CABP7: variants seen among roughly 807,000 people sequenced by gnomAD.
The protein encoded by CABP7 is calcium-binding protein 7.
Under a neutral mutation model 23.1 loss-of-function variants are expected in CABP7, and 13 were observed. That is an observed-to-expected ratio of 0.56 (90% CI 0.37 to 0.90). The LOEUF (loss-of-function observed/expected upper bound fraction) is 0.90, where lower values mean the gene tolerates loss of function less well. CABP7 is among the 40% of genes least tolerant of loss of function. The probability of loss-of-function intolerance (pLI) is 0.01; values close to 1 mark genes in which losing one functional copy is unlikely to be tolerated. For synonymous variants in CABP7, 123 were observed against 115.3 expected, an observed-to-expected ratio of 1.07 and a Z score of -0.43; for missense variants, 248 against 295.6, an observed-to-expected ratio of 0.84 and a Z score of 1.18.
At chr22:29,728,468 T>C (rs997827147) in intron 2 of CABP7, among the ~76,000 whole-genome samples, 162 bp from the exon 3 acceptor site, 2 of 152,172 alleles carry the variant, frequency 1.3e-5, no homozygotes, top group Non-Finnish European at 2.9e-5. Context: ...TGGCACTTGG[T>C]AGATGCCCCT....
At position 29,727,616 on chromosome 22, in the gene CABP7, G is replaced by C. The variant is rs202114061; in HGVS notation, c.110-46G>C. 1 of 1,611,458 alleles carries C rather than the reference G, an allele frequency of 6.2e-7. No individual in the cohort carries two copies. Among genetic ancestry groups the C allele is most frequent in the South Asian group, 1.1e-5 (1 of 90,896 alleles). The stretch of plus-strand genomic sequence containing the variant: ...TCCTGGGGGTCTGGAAAGGGGGTCT[G>C]TTGGGGACCGGGGTGAAGTCCCAGC... On this transcript the variant is annotated intron_variant, in intron 1 of 4. Coordinates refer to ENST00000216144, the MANE Select transcript of CABP7 (RefSeq NM_182527.3). The surrounding 1 kb of genome is among the most constrained non-coding windows in gnomAD (Gnocchi z 4.2).
At position 29,731,138 on chromosome 22, in the gene CABP7, C is replaced by T. The variant is rs529076576; in HGVS notation, c.*1569C>T. 4.6e-5 allele frequency: 63 copies of T among 1,378,664 alleles called. 1 individual carries two copies. In the South Asian group the frequency reaches 1.0e-3, roughly 22 times the overall value. 85.4% of individuals were successfully genotyped at this position (1,378,664 alleles called of 1,614,324 possible). On this transcript the variant is annotated 3_prime_UTR_variant, in exon 5 of 5. Coordinates refer to ENST00000216144, the MANE Select transcript of CABP7 (RefSeq NM_182527.3). ...GCTGGGCAGATGGTCTCGGAGCCTC[C>T]ATGGGGCGTAGCAGGAACCGGGCTT...
chr22:29,726,207 C>G (rs1327743204), intron 1 of CABP7, among the ~76,000 whole-genome samples: 1 of 152,168 alleles, frequency 6.6e-6, no homozygotes, highest in Non-Finnish European at 1.5e-5. Context: ...GCCCAGGCAA[C>G]CCCGGTGCAC....
Position 29,729,161 on chromosome 22 carries a change from A to G in CABP7, c.473A>G (p.Glu158Gly), listed in dbSNP as rs2067818453. Residue 158 changes from glutamate (E) to glycine (G), a missense_variant, in exon 4 of 5, where the codon GAG (glutamate) becomes GGG (glycine). Coordinates refer to ENST00000216144, the MANE Select transcript of CABP7 (RefSeq NM_182527.3). ...KDIENIIMTE[E>G]ESHLGTAEEC... is the part of the protein sequence containing the mutation. ...ATAGAGAACATCATCATGACGGAGG[A>G]GGAGAGCCACCTGGGCACAGCCGAG... 2 of 1,611,168 alleles carry G rather than the reference A, an allele frequency of 1.2e-6. No homozygotes were observed. The highest frequency in any genetic ancestry group is 1.7e-6 in the Non-Finnish European group (2 of 1,179,776).
At position 29,728,744 on chromosome 22, in the gene CABP7, T is replaced by C; in HGVS notation, c.366+2T>C. On this transcript the variant is annotated splice_donor_variant, in intron 3 of 4. Coordinates refer to ENST00000216144, the MANE Select transcript of CABP7 (RefSeq NM_182527.3). LOFTEE classifies it high-confidence loss of function. ...GACTTTGATACTGTCTTCTGGAAGG[T>C]ATCCCCTGGCTAGTTGGGACCCAGG... 1.2e-6 allele frequency: 2 copies of C among 1,602,416 alleles called. No homozygotes were observed. The highest frequency in any genetic ancestry group is 1.7e-6 in the Non-Finnish European group (2 of 1,169,812).
At position 29,727,169 on chromosome 22, in the gene CABP7, G is replaced by A. The variant is rs2147207801; in HGVS notation, c.110-493G>A. ...CTGTCAGCCCATTAGTCTGGAGCAA[G>A]CTGCCTCACGTGGCTGCCATTAGCA... On this transcript the variant is annotated intron_variant, in intron 1 of 4. Transcript: ENST00000216144. This position sits in a 1 kb window ranked among gnomAD's most constrained non-coding sequence, Gnocchi z 4.2. Among the ~76,000 whole-genome samples the A allele has an allele frequency of 6.6e-6, 1 of 152,156 alleles. No individual in the cohort carries two copies. The highest frequency in any genetic ancestry group is 6.5e-5 in the Admixed American group (1 of 15,278).
At chr22:29,722,739 A>G (rs1440358853) in intron 1 of CABP7, among the ~76,000 whole-genome samples, 1 of 152,220 alleles carries the variant, frequency 6.6e-6, no homozygotes. Flanking sequence ...CTCCTGCCCC[A>G]GGGCGGTCTG....
chr22:29,720,022 G>T lies in CABP7; in HGVS notation c.-403G>T. The T allele has an allele frequency of 6.7e-6, 1 of 150,076 alleles. No homozygotes were observed. The highest frequency in any genetic ancestry group is 1.8e-4 in the South Asian group (1 of 5,416). The allele number at this position is 150,076 out of a possible 1,614,324, so 9.3% of individuals were successfully genotyped here. On this transcript the variant is annotated 5_prime_UTR_variant, in exon 1 of 5. Transcript: ENST00000216144. The surrounding 1 kb of genome is among the most constrained non-coding windows in gnomAD (Gnocchi z 5.2). ...CGCGGCACAGAACGAGCGAGCGAGC[G>T]AGCGGAGAGGCGGCTACAGCCTGAG...
rs1327257880 is a variant in CABP7 at position 29,720,638 on chromosome 22, G to A, written c.109+105G>A. ...GCGGGGGGCGGGGGGCGGTCCGCAG[G>A]TGCCGGTTGCCAGGTGGGCGCCCCA... is the stretch of plus-strand genomic sequence containing the variant. On this transcript the variant is annotated intron_variant, in intron 1 of 4. Transcript: ENST00000216144. This position sits in a 1 kb window ranked among gnomAD's most constrained non-coding sequence, Gnocchi z 5.2. The A allele has an allele frequency of 1.1e-5, 7 of 608,802 alleles. No individual in the cohort carries two copies. Among genetic ancestry groups the A allele is most frequent in the African/African-American group, 2.0e-5 (1 of 50,428 alleles). The allele number at this position is 608,802 out of a possible 1,614,324, so 37.7% of individuals were successfully genotyped here.
In CABP7 at chr22:29,720,565, GC is replaced by G; in HGVS notation, c.109+35del. 2 of 1,454,646 alleles carry G rather than the reference GC, an allele frequency of 1.4e-6. No individual in the cohort carries two copies. Among genetic ancestry groups the G allele is most frequent in the Non-Finnish European group, 1.8e-6 (2 of 1,084,020 alleles). The allele number at this position is 1,454,646 out of a possible 1,614,324, so 90.1% of individuals were successfully genotyped here. A position where few individuals can be genotyped will look rare whatever the true frequency, so the allele number is the denominator to read the frequency against. On this transcript the variant is annotated intron_variant, in intron 1 of 4. Transcript: ENST00000216144. The surrounding 1 kb of genome is among the most constrained non-coding windows in gnomAD (Gnocchi z 5.2). Reference sequence around the variant, plus strand: ...GTCCGCCGGGATCCCCGCCCCGGCGGCCCTCCTACCTGTGCGCCCAGGTGAA... The same window carrying G: ...GTCCGCCGGGATCCCCGCCCCGGCGGCCTCCTACCTGTGCGCCCAGGTGAA...
In CABP7 at chr22:29,731,180, T is replaced by C; in HGVS notation, c.*1611T>C. ...ACCGGGCTTGGCTTCCTATTGTGAC[T>C]GATGAGAAAAGTGACCACGTGGGGG... On this transcript the variant is annotated 3_prime_UTR_variant, in exon 5 of 5. Transcript: ENST00000216144. 6.9e-7 allele frequency: 1 copy of C among 1,454,140 alleles called. No homozygotes were observed. The highest frequency in any genetic ancestry group is 9.0e-7 in the Non-Finnish European group (1 of 1,110,560). 90.1% of individuals were successfully genotyped at this position (1,454,140 alleles called of 1,614,324 possible).
Position 29,727,597 on chromosome 22 carries a change from G to A in CABP7, c.110-65G>A, listed in dbSNP as rs2067805050. 5 of 1,600,322 alleles carry A rather than the reference G, an allele frequency of 3.1e-6. No homozygotes were observed. In the South Asian group the frequency reaches 5.5e-5, roughly 18 times the overall value. On this transcript the variant is annotated intron_variant, in intron 1 of 4. Transcript: ENST00000216144. This position sits in a 1 kb window ranked among gnomAD's most constrained non-coding sequence, Gnocchi z 4.2. ...CAGGCTGCAGGGTCGGTGATCCTGG[G>A]GGTCTGGAAAGGGGGTCTGTTGGGG...
In CABP7 at chr22:29,730,607, C is replaced by G. The variant is rs975432026; in HGVS notation, c.*1038C>G. 2.0e-5 allele frequency: 3 copies of G among 152,542 alleles called. No homozygotes were observed. The highest frequency in any genetic ancestry group is 7.2e-5 in the African/African-American group (3 of 41,468). 9.4% of individuals were successfully genotyped at this position (152,542 alleles called of 1,614,324 possible). A position where few individuals can be genotyped will look rare whatever the true frequency, so the allele number is the denominator to read the frequency against. ...TCCTGTCCTCCCACTTCTCTACGCC[C>G]TCAAGGTTGGAGACCCCGCTCCCAT... On this transcript the variant is annotated 3_prime_UTR_variant, in exon 5 of 5. Coordinates refer to ENST00000216144, the MANE Select transcript of CABP7 (RefSeq NM_182527.3).
intron 1 of CABP7, among the ~76,000 whole-genome samples, chr22:29,725,006 G>C (rs535260076): frequency 6.6e-6 from 1 of 152,196 alleles, no homozygotes; most frequent in Admixed American, 6.5e-5. Flanking sequence ...GGCAGGGGAG[G>C]GGGTGGCTCC....
intron 1 of CABP7, among the ~76,000 whole-genome samples, chr22:29,724,707 G>A (rs1184965520): frequency 1.3e-5 from 2 of 152,192 alleles, no homozygotes; most frequent in Non-Finnish European, 2.9e-5. Context: ...GTGCCAAGGA[G>A]GGGTGTTAAA....
At chr22:29,721,666 A>G (rs567668285) in intron 1 of CABP7, among the ~76,000 whole-genome samples, 7 of 152,192 alleles carry the variant, frequency 4.6e-5, no homozygotes, top group African/African-American at 1.7e-4. Context: ...CCCTCAACCC[A>G]GGCCCAGGGT....
At position 29,720,608 on chromosome 22, in the gene CABP7, CGGGGGCG is replaced by C. The variant is rs924484750; in HGVS notation, c.109+91_109+97del. On this transcript the variant is annotated intron_variant, in intron 1 of 4. Transcript: ENST00000216144. The surrounding 1 kb of genome is among the most constrained non-coding windows in gnomAD (Gnocchi z 5.2). ...CCAGGTGAAGCGCGGGCCAGGGGCG[CGGGGGCG>C]GGGGGCGGGGGGCGGTCCGCAGGTG... 549 of 872,688 alleles carry C rather than the reference CGGGGGCG, an allele frequency of 6.3e-4. 1 individual carries two copies. The highest frequency in any genetic ancestry group is 7.9e-4 in the Non-Finnish European group (492 of 622,300). 54.1% of individuals were successfully genotyped at this position (872,688 alleles called of 1,614,324 possible).
Position 29,727,910 on chromosome 22 carries a change from C to A in CABP7, c.253+105C>A. On this transcript the variant is annotated intron_variant, in intron 2 of 4. Coordinates refer to ENST00000216144, the MANE Select transcript of CABP7 (RefSeq NM_182527.3). The surrounding 1 kb of genome is among the most constrained non-coding windows in gnomAD (Gnocchi z 4.2). ...GAGGCTGCATCCAAATTGGGTCTCTCGCTCCCCTGACTCCCACCCTCAAAG... is the reference window on the plus strand; with the variant it reads ...GAGGCTGCATCCAAATTGGGTCTCTAGCTCCCCTGACTCCCACCCTCAAAG... The A allele has an allele frequency of 7.7e-7, 1 of 1,305,364 alleles. No individual in the cohort carries two copies. Among genetic ancestry groups the A allele is most frequent in the Non-Finnish European group, 1.0e-6 (1 of 966,792 alleles). The allele number at this position is 1,305,364 out of a possible 1,614,324, so 80.9% of individuals were successfully genotyped here.
chr22:29,731,046 G>T lies in CABP7; in HGVS notation c.*1477G>T. 3.7e-6 allele frequency: 2 copies of T among 537,846 alleles called. No individual in the cohort carries two copies. Among genetic ancestry groups the T allele is most frequent in the East Asian group, 3.2e-5 (1 of 31,554 alleles). The allele number at this position is 537,846 out of a possible 1,614,324, so 33.3% of individuals were successfully genotyped here. ...GGGCAGGTGGAGGAGAGTGAGGGGA[G>T]AGCTGCCCGGTGCAGACCCAGGACG... On this transcript the variant is annotated 3_prime_UTR_variant, in exon 5 of 5. Transcript: ENST00000216144.
Sources: gnomAD v4.1 joint callset for allele counts (sites outside exome capture counted in the v4.1 genomes callset) on GRCh38, gnomAD v4.1.1 for gene constraint, Gnocchi (gnomAD v3.1) non-coding constraint, MANE v1.5 for transcripts, NCBI Gene and HGNC (gene_info 2026-07-23, HGNC 2026-07-21) for gene names.